The following ARHGAP35 variants were observed in gnomAD, a reference collection of about 807,000 sequenced individuals.
ARHGAP35 encodes Rho GTPase activating protein 35.
A neutral mutation model predicts 111.1 loss-of-function variants in ARHGAP35; 15 were observed. The ratio of observed to expected loss-of-function variants is 0.13; its 90% CI spans 0.09 to 0.21. ARHGAP35 has a LOEUF of 0.21. ARHGAP35 is among the 10% of genes least tolerant of loss of function. ARHGAP35 has a pLI of 1.00. For synonymous variants in ARHGAP35, 643 were observed against 710.3 expected, an observed-to-expected ratio of 0.91 and a Z score of 1.51; for missense variants, 1,262 against 1,873.0, an observed-to-expected ratio of 0.67 and a Z score of 6.02.
At position 46,884,734 on chromosome 19, in the gene ARHGAP35, G is replaced by C. The variant is rs181574507; in HGVS notation, c.-189+23525G>C. On this transcript the variant is annotated intron_variant, in intron 1 of 6. Transcript: ENST00000672722. ...ACTCCTGGGCTCAAGCAATTCCCCC[G>C]CGTAGGCCTCCCAAAGTACTAAGAT... Among the ~76,000 whole-genome samples the C allele has an allele frequency of 4.8e-3, 725 of 151,832 alleles. 2 individuals carry two copies. Among genetic ancestry groups the C allele is most frequent in the South Asian group, 9.8e-3 (47 of 4,812 alleles).
intron 3 of ARHGAP35, among the ~76,000 whole-genome samples, chr19:46,979,483 A>C (rs2056608747): frequency 6.6e-6 from 1 of 152,124 alleles, no homozygotes; most frequent in Admixed American, 6.5e-5. Flanking sequence ...AGCTGTTGGG[A>C]TATGCATTTT....
chr19:46,950,013 G>C (rs1029139155), intron 3 of ARHGAP35, among the ~76,000 whole-genome samples: 3 of 152,186 alleles, frequency 2.0e-5, no homozygotes, highest in Non-Finnish European at 4.4e-5. Flanking sequence ...GGCACTGGTT[G>C]CATAGGTCAG....
At chr19:46,878,593 A>G (rs532614969) in intron 1 of ARHGAP35, among the ~76,000 whole-genome samples, 1 of 152,298 alleles carries the variant, frequency 6.6e-6, no homozygotes, top group South Asian at 2.1e-4. Flanking sequence ...TGCTGGGTTT[A>G]TAGGCCGGAG....
In ARHGAP35 at chr19:46,945,631, C is replaced by T. The variant is rs2056375040; in HGVS notation, c.3826+8223C>T. Reference sequence around the variant, plus strand: ...GCTTCCAAGTGTCGTCACACCTGCCCACCCGGGACGGTCTCAGCGTTCTGG... The same window carrying T: ...GCTTCCAAGTGTCGTCACACCTGCCTACCCGGGACGGTCTCAGCGTTCTGG... On this transcript the variant is annotated intron_variant, in intron 3 of 6. Transcript: ENST00000672722. This position sits in a 1 kb window ranked among gnomAD's most constrained non-coding sequence, Gnocchi z 4.1. 6.6e-6 allele frequency among the ~76,000 whole-genome samples: 1 copy of T among 152,174 alleles called. No individual in the cohort carries two copies. The highest frequency in any genetic ancestry group is 2.1e-4 in the South Asian group (1 of 4,826).
rs760842040 is a variant in ARHGAP35, at chr19:46,921,058, A to C, written c.2383A>C (p.Ser795Arg). 1 of 1,613,962 alleles carries C rather than the reference A, an allele frequency of 6.2e-7. No homozygotes were observed. ...GTGTCTGATGTGTGGAGATCCTTTTAGTGCAGATGACATACTTTTTCCTGT... is the reference window on the plus strand; with the variant it reads ...GTGTCTGATGTGTGGAGATCCTTTTCGTGCAGATGACATACTTTTTCCTGT... ...VMCLMCGDPF[S>R]ADDILFPVLQ... Residue 795 changes from serine to arginine, a missense_variant, in exon 2 of 7, where the codon AGT becomes CGT. This residue lies in a region of ARHGAP35 where 579 missense variants were observed against 716.9 expected (regional missense o/e 0.81). Coordinates refer to ENST00000672722, the MANE Select transcript of ARHGAP35 (RefSeq NM_004491.5). This position sits in a 1 kb window ranked among gnomAD's most constrained non-coding sequence, Gnocchi z 4.3.
At position 46,909,080 on chromosome 19, in the gene ARHGAP35, G is replaced by A. The variant is rs542182329; in HGVS notation, c.-188-9408G>A. ...TTTGGGAGGGTGAGGTGGTAGGATCGCTTGAGCACAGAAGTTCAAGACCAC... is the reference window on the plus strand; with the variant it reads ...TTTGGGAGGGTGAGGTGGTAGGATCACTTGAGCACAGAAGTTCAAGACCAC... On this transcript the variant is annotated intron_variant, in intron 1 of 6. Transcript: ENST00000672722. 3.9e-5 allele frequency among the ~76,000 whole-genome samples: 6 copies of A among 152,194 alleles called. No individual in the cohort carries two copies. In the East Asian group the frequency reaches 5.8e-4, roughly 15 times the overall value.
At chr19:46,941,876 TAAAAAAA>T (rs71179279) in intron 3 of ARHGAP35, among the ~76,000 whole-genome samples, 14 of 94,554 alleles carry the variant, frequency 1.5e-4, no homozygotes, top group Admixed American at 3.8e-4. Context: ...CCTGTCTCTT[TAAAAAAA>T]AAAAAAAAAA....
chr19:46,869,475 A>ATTGT (rs1555753496), intron 1 of ARHGAP35, among the ~76,000 whole-genome samples: 25 of 118,186 alleles, frequency 2.1e-4, no homozygotes, highest in African/African-American at 9.3e-4. Flanking sequence ...AAGAAAAAAA[A>ATTGT]TTGTGTGTGT....
intron 1 of ARHGAP35, among the ~76,000 whole-genome samples, chr19:46,905,336 T>C (rs1249638004): frequency 1.3e-5 from 2 of 151,666 alleles, no homozygotes; most frequent in South Asian, 2.1e-4. Context: ...TGGCCAAGAC[T>C]GTGAAACCTC....
At chr19:46,905,537 A>G (rs2056102402) in intron 1 of ARHGAP35, among the ~76,000 whole-genome samples, 1 of 147,360 alleles carries the variant, frequency 6.8e-6, no homozygotes, top group East Asian at 2.0e-4. Context: ...CACCGCGCCC[A>G]GCTAATTTTT....
intron 5 of ARHGAP35, among the ~76,000 whole-genome samples, chr19:46,995,944 C>G (rs1334831924): frequency 6.6e-6 from 1 of 152,180 alleles, no homozygotes; most frequent in Non-Finnish European, 1.5e-5. Flanking sequence ...TGACCTCTGC[C>G]CAGCGAGCTC....
intron 1 of ARHGAP35, among the ~76,000 whole-genome samples, chr19:46,881,286 C>T (rs2055961463): frequency 6.6e-6 from 1 of 152,170 alleles, no homozygotes; most frequent in Admixed American, 6.5e-5. Context: ...ATGGTGAATC[C>T]TTTTCAGAAG....
chr19:46,864,701 T>C (rs866757305), intron 1 of ARHGAP35, among the ~76,000 whole-genome samples: 8 of 152,242 alleles, frequency 5.3e-5, no homozygotes, highest in African/African-American at 9.6e-5. Flanking sequence ...TCTGGTAATT[T>C]TAATAATCTA....
At chr19:46,936,623 G>A (rs1219699844) in intron 2 of ARHGAP35, among the ~76,000 whole-genome samples, 1 of 151,996 alleles carries the variant, frequency 6.6e-6, no homozygotes, top group Admixed American at 6.6e-5. Context: ...AAAACTTCCT[G>A]TTTACTCCAG....
At chr19:46,955,318 A>G (rs1214036660) in intron 3 of ARHGAP35, among the ~76,000 whole-genome samples, 1 of 152,212 alleles carries the variant, frequency 6.6e-6, no homozygotes, top group African/African-American at 2.4e-5. Flanking sequence ...AGAGATGAAC[A>G]TAATCAGATG....
chr19:46,998,268 G>A (rs943427392), intron 5 of ARHGAP35, among the ~76,000 whole-genome samples: 10 of 152,142 alleles, frequency 6.6e-5, no homozygotes, highest in African/African-American at 1.2e-4. Context: ...AATCATCTGC[G>A]CTTTAACAGG....
intron 3 of ARHGAP35, among the ~76,000 whole-genome samples, chr19:46,938,285 G>A (rs2056322125): frequency 6.6e-6 from 1 of 152,210 alleles, no homozygotes; most frequent in South Asian, 2.1e-4. Flanking sequence ...GAAGCTGAGT[G>A]ACAGTGTTCA....
chr19:46,968,821 T>C (rs1200745056), intron 3 of ARHGAP35, among the ~76,000 whole-genome samples: 1 of 152,176 alleles, frequency 6.6e-6, no homozygotes, highest in South Asian at 2.1e-4. Flanking sequence ...GTGCAGTGGC[T>C]CACACCTGTA....
intron 1 of ARHGAP35, among the ~76,000 whole-genome samples, chr19:46,912,685 C>T (rs989864268): frequency 1.3e-5 from 2 of 151,988 alleles, no homozygotes; most frequent in African/African-American, 2.4e-5. Context: ...ACTTTTATAT[C>T]CCATCCTTCC....
Sources: gnomAD v4.1 joint callset for allele counts (sites outside exome capture counted in the v4.1 genomes callset) on GRCh38, gnomAD v4.1.1 for gene constraint, gnomAD v4.1.1 regional missense constraint, Gnocchi (gnomAD v3.1) non-coding constraint, MANE v1.5 for transcripts, NCBI Gene and HGNC (gene_info 2026-07-23, HGNC 2026-07-21) for gene names.